Variants in FTCDNL1 observed in about 807,000 individuals in gnomAD.
The protein encoded by FTCDNL1 is formiminotransferase N-terminal subdomain-containing protein.
Under a neutral mutation model 5.9 loss-of-function variants are expected in FTCDNL1, and 11 were observed. The ratio of observed to expected loss-of-function variants is 1.87; its 90% CI spans 1.18 to 3.10. The LOEUF (loss-of-function observed/expected upper bound fraction) is 3.10. Ranked by LOEUF, FTCDNL1 falls within the 30% of genes most tolerant of loss-of-function variation. The pLI is 0.00. For missense variants in FTCDNL1, 115 were observed against 65.5 expected (o/e 1.76, Z -2.61); for synonymous variants, 58 against 24.8 (o/e 2.34, Z -3.99).
the FTCDNL1 span, among the ~76,000 whole-genome samples, chr2:199,697,177 C>A: frequency 1.3e-5 from 2 of 152,076 alleles, no homozygotes; most frequent in African/African-American, 4.8e-5. Flanking sequence ...GAGGCTGATA[C>A]AGGAGAATGG....
intron 3 of FTCDNL1, among the ~76,000 whole-genome samples, chr2:199,829,399 ACTTT>A (rs1702230555): frequency 6.6e-6 from 1 of 152,152 alleles, no homozygotes; most frequent in Non-Finnish European, 1.5e-5. Flanking sequence ...AATATCTAGC[ACTTT>A]CTTTTCAGGC....
At chr2:199,767,790 G>T (rs1473777864) in intron 3 of FTCDNL1, among the ~76,000 whole-genome samples, 4 of 152,102 alleles carry the variant, frequency 2.6e-5, no homozygotes, top group Non-Finnish European at 4.4e-5. Flanking sequence ...CTTAATCTTG[G>T]ACTTCCCAGC....
chr2:199,691,659 C>T, the FTCDNL1 span, among the ~76,000 whole-genome samples: 3 of 152,142 alleles, frequency 2.0e-5, no homozygotes, highest in African/African-American at 7.2e-5. Flanking sequence ...ATATCATAAG[C>T]ACTTACAAAA....
the FTCDNL1 span, among the ~76,000 whole-genome samples, chr2:199,687,713 C>T: frequency 1.4e-4 from 21 of 152,044 alleles, no homozygotes; most frequent in African/African-American, 4.6e-4. Context: ...TGGGACTGAC[C>T]ATGGGAAATT....
intron 3 of FTCDNL1, among the ~76,000 whole-genome samples, chr2:199,764,206 T>C (rs1199454622): frequency 1.3e-5 from 2 of 152,326 alleles, no homozygotes; most frequent in South Asian, 4.1e-4. Context: ...TCCAAAGGGA[T>C]ACACATTACT....
At chr2:199,802,123 A>T (rs1700489317) in intron 3 of FTCDNL1, among the ~76,000 whole-genome samples, 1 of 152,186 alleles carries the variant, frequency 6.6e-6, no homozygotes, top group African/African-American at 2.4e-5. Context: ...GTGGGAAGAG[A>T]CAGCAGTTTC....
the FTCDNL1 span, among the ~76,000 whole-genome samples, chr2:199,712,979 G>A: frequency 1.3e-5 from 2 of 152,056 alleles, no homozygotes; most frequent in East Asian, 1.9e-4. Flanking sequence ...ATCTTTTTTG[G>A]GGACACAATT....
At chr2:199,799,106 G>A (rs2106393317) in intron 3 of FTCDNL1, among the ~76,000 whole-genome samples, 2 of 152,216 alleles carry the variant, frequency 1.3e-5, no homozygotes, top group East Asian at 3.9e-4. Flanking sequence ...GGGGAATTTG[G>A]CCCCTTTCCA....
intron 3 of FTCDNL1, among the ~76,000 whole-genome samples, chr2:199,821,464 TTTTG>T (rs1485593827): frequency 2.2e-5 from 3 of 137,466 alleles, no homozygotes; most frequent in Non-Finnish European, 4.7e-5. Context: ...CAGCCTGGTT[TTTTG>T]TTTGTTTGTT....
chr2:199,797,173 C>T (rs975618147), intron 3 of FTCDNL1, among the ~76,000 whole-genome samples: 1 of 152,166 alleles, frequency 6.6e-6, no homozygotes, highest in African/African-American at 2.4e-5. Context: ...TAAAGATACA[C>T]TTTCAATTTC....
At chr2:199,752,776 GTGTGTA>G in the FTCDNL1 span, among the ~76,000 whole-genome samples, 23,579 of 84,438 alleles carry the variant, frequency 0.28, 2,286 homozygotes, top group South Asian at 0.42. Context: ...GTGTGTGTGT[GTGTGTA>G]TGTGTGTGTG....
chr2:199,749,982 T>C, the FTCDNL1 span, among the ~76,000 whole-genome samples: 1 of 151,188 alleles, frequency 6.6e-6, no homozygotes, highest in Non-Finnish European at 1.5e-5. Flanking sequence ...TGCAGGCCTG[T>C]ATCAAAATAT....
chr2:199,844,698 A>G (rs1053729971), intron 3 of FTCDNL1, among the ~76,000 whole-genome samples: 1 of 151,656 alleles, frequency 6.6e-6, no homozygotes, highest in Admixed American at 6.6e-5. Flanking sequence ...CCCTCACCCC[A>G]CCTCCCAATA....
intron 3 of FTCDNL1, among the ~76,000 whole-genome samples, chr2:199,827,532 T>C (rs1702110520): frequency 6.6e-6 from 1 of 152,004 alleles, no homozygotes; most frequent in South Asian, 2.1e-4. Context: ...TGTAAGAAAA[T>C]ATTCGAATTG....
At chr2:199,675,946 C>T in the FTCDNL1 span, among the ~76,000 whole-genome samples, 1 of 152,112 alleles carries the variant, frequency 6.6e-6, no homozygotes, top group Non-Finnish European at 1.5e-5. Context: ...AGACAGGGGT[C>T]TCACTGTGTT....
At chr2:199,842,883 G>A (rs7579950) in intron 3 of FTCDNL1, among the ~76,000 whole-genome samples, 4,558 of 151,524 alleles carry the variant, frequency 0.03, 160 homozygotes, top group South Asian at 0.087. Context: ...TAAGAACAGC[G>A]GGATCCTAGA....
intron 3 of FTCDNL1, among the ~76,000 whole-genome samples, chr2:199,780,840 T>A (rs1225844930): frequency 6.6e-6 from 1 of 152,220 alleles, no homozygotes; most frequent in Admixed American, 6.5e-5. Context: ...TTTCCTGGTG[T>A]GACCAGGATC....
intron 3 of FTCDNL1, among the ~76,000 whole-genome samples, chr2:199,798,007 A>G (rs1257287101): frequency 1.3e-5 from 2 of 152,194 alleles, no homozygotes; most frequent in Admixed American, 6.5e-5. Context: ...AGGTGTTTGC[A>G]TTCTCGAGTC....
chr2:199,795,115 G>A (rs1193492760), intron 3 of FTCDNL1, among the ~76,000 whole-genome samples: 3 of 152,192 alleles, frequency 2.0e-5, no homozygotes, highest in African/African-American at 7.2e-5. Flanking sequence ...ATTTGACTTG[G>A]ACTGCTGCAA....
Sources: allele counts gnomAD v4.1 joint callset (sites outside exome capture counted in the v4.1 genomes callset), GRCh38; gene constraint gnomAD v4.1.1; transcripts MANE v1.5; gene names NCBI Gene and HGNC (gene_info 2026-07-23, HGNC 2026-07-21).